Variants in CALD1 observed in about 807,000 individuals in gnomAD.
CALD1 encodes the protein caldesmon.
CALD1 carries 33 observed loss-of-function variants against 99.9 expected under a neutral mutation model. The observed-to-expected ratio is 0.33, with a 90% CI of 0.25 to 0.44. The LOEUF (loss-of-function observed/expected upper bound fraction) is 0.44, where lower values mean the gene tolerates loss of function less well. CALD1 is among the 20% of genes least tolerant of loss of function. CALD1 has a pLI of 1.00. For synonymous variants in CALD1, 310 were observed against 325.0 expected (o/e 0.95, Z 0.50); for missense variants, 861 against 962.1 (o/e 0.89, Z 1.39).
rs1808914525 is a variant in CALD1, at chr7:134,969,658, T to C, written c.*1313T>C. On this transcript the variant is annotated 3_prime_UTR_variant, in exon 15 of 15. Transcript: ENST00000361675. ...TACTTTTATTTGTCATTGATACCTG[T>C]AGTAAGTTGACAATGTGGTGAAATT... The C allele has an allele frequency of 6.6e-6, 1 of 152,226 alleles. No individual in the cohort carries two copies. Among genetic ancestry groups the C allele is most frequent in the South Asian group, 2.1e-4 (1 of 4,832 alleles). The allele number at this position is 152,226 out of a possible 1,614,324, so 9.4% of individuals were successfully genotyped here. A position where few individuals can be genotyped will look rare whatever the true frequency, so the allele number is the denominator to read the frequency against.
At chr7:134,959,910 T>A in intron 11 of CALD1, 64 bp from the exon 12 acceptor site, 2 of 1,536,952 alleles carry the variant, frequency 1.3e-6, no homozygotes, top group Non-Finnish European at 8.8e-7. Context: ...GAAGACAAAC[T>A]CACTATAATT....
At chr7:134,967,906 G>A (rs1386924940) in intron 14 of CALD1, among the ~76,000 whole-genome samples, 1 of 152,196 alleles carries the variant, frequency 6.6e-6, no homozygotes, top group Non-Finnish European at 1.5e-5. Flanking sequence ...CACTTTGGGA[G>A]GCCGAGGCAG....
At chr7:134,862,840 G>C (rs943849136) in intron 2 of CALD1, among the ~76,000 whole-genome samples, 7 of 152,320 alleles carry the variant, frequency 4.6e-5, no homozygotes, top group African/African-American at 1.7e-4. Context: ...ACACTAGTTG[G>C]TCTATAATAA....
upstream of CALD1, among the ~76,000 whole-genome samples, chr7:134,739,457 T>A (rs1014862906): frequency 5.9e-5 from 9 of 152,224 alleles, no homozygotes; most frequent in African/African-American, 1.9e-4. Flanking sequence ...ATGTTTTCTA[T>A]CTGTTTTTAA....
intron 1 of CALD1, 91 bp from the exon 2 acceptor site, chr7:134,843,793 C>G (rs1373972226): frequency 6.6e-6 from 1 of 152,210 alleles, no homozygotes; most frequent in Non-Finnish European, 1.5e-5. Context: ...AACAACAGTA[C>G]TTGAGGAAGA....
At chr7:134,861,982 T>C (rs188377906) in intron 2 of CALD1, among the ~76,000 whole-genome samples, 7 of 152,322 alleles carry the variant, frequency 4.6e-5, no homozygotes, top group African/African-American at 1.4e-4. Context: ...GATACAGCCA[T>C]CCTGAGTTAC....
At chr7:134,784,294 C>T (rs1797222941) in intron 1 of CALD1, among the ~76,000 whole-genome samples, 1 of 152,214 alleles carries the variant, frequency 6.6e-6, no homozygotes, top group Non-Finnish European at 1.5e-5. Flanking sequence ...GTTCCTCTGA[C>T]ACCCACATAT....
intron 2 of CALD1, among the ~76,000 whole-genome samples, chr7:134,857,796 C>T (rs976595936): frequency 6.6e-6 from 1 of 152,096 alleles, no homozygotes; most frequent in Admixed American, 6.5e-5. Flanking sequence ...AGTAAACACA[C>T]TTGATGATCA....
the CALD1 span, among the ~76,000 whole-genome samples, chr7:134,712,025 GA>G: frequency 5.7e-5 from 7 of 123,638 alleles, no homozygotes; most frequent in East Asian, 1.8e-3. Flanking sequence ...GAAGGAGGGA[GA>G]GAGGGAGGGA....
intron 1 of CALD1, among the ~76,000 whole-genome samples, chr7:134,831,774 C>T (rs1033299483): frequency 6.6e-6 from 1 of 152,066 alleles, no homozygotes; most frequent in East Asian, 1.9e-4. Flanking sequence ...GAGTTACCGG[C>T]GGCGAATCTG....
chr7:134,712,033 GGGAAGGAGGGAGA>G, the CALD1 span, among the ~76,000 whole-genome samples: 3 of 53,558 alleles, frequency 5.6e-5, no homozygotes, highest in African/African-American at 6.0e-4. Flanking sequence ...GAGAGAGGGA[GGGAAGGAGGGAGA>G]GAGGGAGGGA....
intron 2 of CALD1, among the ~76,000 whole-genome samples, chr7:134,862,928 G>T (rs7798969): frequency 0.76 from 115,188 of 152,114 alleles, 44,260 homozygotes; most frequent in East Asian, 0.97. Flanking sequence ...TCCCTCTGAA[G>T]GCACTGGGGA....
intron 1 of CALD1, among the ~76,000 whole-genome samples, chr7:134,819,051 T>G (rs1798668679): frequency 6.6e-6 from 1 of 152,108 alleles, no homozygotes; most frequent in Non-Finnish European, 1.5e-5. Context: ...CTCTCCTCTT[T>G]CCTCTGCGAG....
chr7:134,828,597 G>A (rs13233583), intron 1 of CALD1, among the ~76,000 whole-genome samples: 45,993 of 152,014 alleles, frequency 0.3, 8,826 homozygotes, highest in East Asian at 0.66. Flanking sequence ...ACTACATTCT[G>A]AGTAATCCTA....
At chr7:134,774,967 T>C (rs538980934), upstream of CALD1, among the ~76,000 whole-genome samples, 1 of 152,336 alleles carries the variant, frequency 6.6e-6, no homozygotes, top group Admixed American at 6.5e-5. Context: ...TTTAACCATA[T>C]CCTCAAATTT....
the CALD1 span, among the ~76,000 whole-genome samples, chr7:134,732,746 G>T: frequency 6.6e-6 from 1 of 152,168 alleles, no homozygotes; most frequent in African/African-American, 2.4e-5. Context: ...TCTCACTCCA[G>T]TTCTTTACTT....
chr7:134,754,382 A>C (rs551184977), intron 1 of CALD1, among the ~76,000 whole-genome samples: 1 of 152,360 alleles, frequency 6.6e-6, no homozygotes, highest in Admixed American at 6.5e-5. Flanking sequence ...TGTCTTCTTC[A>C]TGACTTTTTA....
intron 8 of CALD1, 117 bp downstream of exon 8, chr7:134,947,886 A>G: frequency 8.2e-7 from 1 of 1,213,414 alleles, no homozygotes. Context: ...TAAACTTACC[A>G]TGTGCTAGGT....
the CALD1 span, among the ~76,000 whole-genome samples, chr7:134,729,832 A>G: frequency 6.6e-6 from 1 of 152,224 alleles, no homozygotes; most frequent in Non-Finnish European, 1.5e-5. Flanking sequence ...AAGCAAAGAT[A>G]GCAACATGTG....
Sources: allele counts gnomAD v4.1 joint callset (sites outside exome capture counted in the v4.1 genomes callset), GRCh38; gene constraint gnomAD v4.1.1; transcripts MANE v1.5; gene names NCBI Gene and HGNC (gene_info 2026-07-23, HGNC 2026-07-21).